The following TEX11 variants were observed in gnomAD, a reference collection of about 807,000 sequenced individuals.
TEX11 encodes testis-expressed protein 11.
In TEX11, 7 loss-of-function variants were observed where a neutral mutation model predicts 84.4. The observed-to-expected ratio is 0.08, with a 90% CI of 0.05 to 0.16. The LOEUF (loss-of-function observed/expected upper bound fraction) is 0.16. Among genes scored for constraint, TEX11 ranks in the 10% least tolerant of loss-of-function variants. The pLI, the probability that TEX11 is intolerant of heterozygous loss-of-function variation, is 1.00. For missense variants in TEX11, 551 were observed against 660.5 expected, an observed-to-expected ratio of 0.83 and a Z score of 1.82; for synonymous variants, 264 against 222.8, an observed-to-expected ratio of 1.18 and a Z score of -1.64.
At chrX:70,841,966 C>A (rs1466553113) in intron 7 of TEX11, among the ~76,000 whole-genome samples, 2 of 111,438 alleles carry the variant, frequency 1.8e-5, no homozygotes, top group Admixed American at 9.6e-5. Flanking sequence ...CAATAACAGG[C>A]TCTGAAATTG....
intron 16 of TEX11, among the ~76,000 whole-genome samples, chrX:70,655,454 A>G (rs2089855350): frequency 8.9e-6 from 1 of 111,861 alleles, no homozygotes; most frequent in Non-Finnish European, 1.9e-5. Flanking sequence ...TTAAACCATC[A>G]TAAGTTGTAG....
intron 24 of TEX11, among the ~76,000 whole-genome samples, chrX:70,598,038 G>A (rs2089031673): frequency 9.0e-6 from 1 of 111,546 alleles, no homozygotes; most frequent in African/African-American, 3.3e-5. Flanking sequence ...AAAATTAGCT[G>A]GGCACAGTGG....
At chrX:70,904,938 T>C (rs1423013738) in intron 2 of TEX11, among the ~76,000 whole-genome samples, 1 of 112,667 alleles carries the variant, frequency 8.9e-6, no homozygotes, top group Non-Finnish European at 1.9e-5. Flanking sequence ...CTAGAAAATA[T>C]AAAATTTTTT....
At chrX:70,576,161 T>C (rs1407601662) in intron 25 of TEX11, among the ~76,000 whole-genome samples, 5 of 111,992 alleles carry the variant, frequency 4.5e-5, no homozygotes, top group Non-Finnish European at 7.5e-5. Flanking sequence ...AAAAGCCAAT[T>C]CCCATAGCAC....
chrX:70,874,589 A>T (rs1250236251), intron 3 of TEX11, among the ~76,000 whole-genome samples: 5 of 106,865 alleles, frequency 4.7e-5, no homozygotes, highest in Non-Finnish European at 9.7e-5. Context: ...TTTACTTGAG[A>T]TGGGGTTTCA....
intron 8 of TEX11, among the ~76,000 whole-genome samples, chrX:70,823,189 GAA>G (rs2091327469): frequency 9.0e-6 from 1 of 111,697 alleles, no homozygotes; most frequent in South Asian, 3.8e-4. Flanking sequence ...TATGTAAAAT[GAA>G]AAGAGTCAAA....
At chrX:70,830,519 G>C (rs2091371668) in intron 8 of TEX11, among the ~76,000 whole-genome samples, 3 of 111,962 alleles carry the variant, frequency 2.7e-5, no homozygotes, top group Non-Finnish European at 3.8e-5. Context: ...ACAGAGTGAA[G>C]AGACAACCTA....
intron 25 of TEX11, among the ~76,000 whole-genome samples, chrX:70,569,457 G>T (rs1039101693): frequency 8.9e-6 from 1 of 111,953 alleles, no homozygotes; most frequent in African/African-American, 3.2e-5. Context: ...AAGGAGCTGC[G>T]TTCCTTTGGA....
At chrX:70,780,427 G>A (rs1013579375) in intron 9 of TEX11, among the ~76,000 whole-genome samples, 3 of 112,856 alleles carry the variant, frequency 2.7e-5, no homozygotes, top group Non-Finnish European at 3.7e-5. Flanking sequence ...TTCCAGCTGA[G>A]GTACATGGTT....
intron 24 of TEX11, among the ~76,000 whole-genome samples, chrX:70,599,042 A>G (rs188035829): frequency 8.9e-6 from 1 of 111,846 alleles, no homozygotes; most frequent in South Asian, 3.7e-4. Flanking sequence ...GGTGAATTAT[A>G]AGGTATGTGA....
At chrX:70,664,174 T>C (rs2089956792) in intron 16 of TEX11, among the ~76,000 whole-genome samples, 1 of 112,167 alleles carries the variant, frequency 8.9e-6, no homozygotes, top group Admixed American at 9.4e-5. Flanking sequence ...TTTCTCCTTC[T>C]ATACATTAAA....
chrX:70,772,438 G>A (rs775992398), intron 9 of TEX11, among the ~76,000 whole-genome samples: 25 of 110,686 alleles, frequency 2.3e-4, no homozygotes, highest in Non-Finnish European at 4.2e-4. Flanking sequence ...GTCAGGCATG[G>A]TGACGCACAC....
chrX:70,843,658 A>C (rs2091461158), intron 7 of TEX11, among the ~76,000 whole-genome samples: 1 of 111,817 alleles, frequency 8.9e-6, no homozygotes, highest in Non-Finnish European at 1.9e-5. Context: ...AACTACCATC[A>C]GAGTGAACAG....
intron 18 of TEX11, among the ~76,000 whole-genome samples, chrX:70,628,021 G>T (rs1007596600): frequency 5.4e-5 from 6 of 110,708 alleles, no homozygotes; most frequent in African/African-American, 2.0e-4. Flanking sequence ...TTAAGGCCAA[G>T]AGCTCCAGAC....
intron 13 of TEX11, among the ~76,000 whole-genome samples, chrX:70,720,449 C>T (rs1427107829): frequency 9.1e-6 from 1 of 109,729 alleles, no homozygotes; most frequent in Non-Finnish European, 1.9e-5. Context: ...AGCACACCAA[C>T]ATGGCACATG....
intron 9 of TEX11, among the ~76,000 whole-genome samples, chrX:70,803,736 C>T (rs1165704901): frequency 5.4e-5 from 6 of 112,075 alleles, no homozygotes; most frequent in Admixed American, 2.9e-4. Flanking sequence ...TCCATGACCT[C>T]CTTCTGGTAT....
intron 7 of TEX11, among the ~76,000 whole-genome samples, chrX:70,851,522 T>C (rs970527170): frequency 2.7e-5 from 3 of 111,589 alleles, no homozygotes; most frequent in Non-Finnish European, 5.6e-5. Flanking sequence ...AGCCCTCATA[T>C]ACTACTGGGG....
rs146922399 is a variant in TEX11 at position 70,692,501 on chromosome X, C to A, written c.1005-9676G>T. On this transcript the variant is annotated intron_variant, in intron 13 of 29. Coordinates refer to ENST00000374333, the MANE Select transcript of TEX11 (RefSeq NM_031276.3). ...TCTATTAGTTTTACTATTTTAGATACCTCACAGAAGTGGAATCACACAGTA... is the reference window on the plus strand; with the variant it reads ...TCTATTAGTTTTACTATTTTAGATAACTCACAGAAGTGGAATCACACAGTA... Among the ~76,000 whole-genome samples the A allele has an allele frequency of 6.4e-3, 709 of 110,918 alleles. 2 individuals carry two copies. Among genetic ancestry groups the A allele is most frequent in the Middle Eastern group, 0.018 (4 of 217 alleles).
At chrX:70,690,777 T>C (rs1308760666) in intron 13 of TEX11, among the ~76,000 whole-genome samples, 1 of 111,477 alleles carries the variant, frequency 9.0e-6, no homozygotes, top group Non-Finnish European at 1.9e-5. Context: ...AAGCTTAAGC[T>C]GTAACACATC....
Sources: gnomAD v4.1 joint callset for allele counts (sites outside exome capture counted in the v4.1 genomes callset) on GRCh38, gnomAD v4.1.1 for gene constraint, MANE v1.5 for transcripts, NCBI Gene and HGNC (gene_info 2026-07-23, HGNC 2026-07-21) for gene names.